Variants in IDS observed in about 807,000 individuals in gnomAD.
The protein encoded by IDS is iduronate 2-sulfatase.
In IDS, 1 loss-of-function variant was observed where a neutral mutation model predicts 33.5. That is an observed-to-expected ratio of 0.03 (90% CI 0.01 to 0.14). The LOEUF is 0.14. IDS is among the 10% of genes least tolerant of loss of function. IDS has a pLI of 1.00. For missense variants in IDS, 328 were observed against 448.0 expected (o/e 0.73, Z 2.42); for synonymous variants, 191 against 184.4 (o/e 1.04, Z -0.29).
At position 149,505,124 on chromosome X, in the gene IDS, C is replaced by A; in HGVS notation, c.14G>T (p.Arg5Leu). The change falls in exon 1 of 9, where the codon CGG (arginine) becomes CTG (leucine). Residue 5 changes from arginine (R) to leucine (L), a missense_variant. This residue lies in a region of IDS where 45 missense variants were observed against 33.6 expected (regional missense o/e 1.34). Coordinates refer to ENST00000340855, the MANE Select transcript of IDS (RefSeq NM_000202.8). ...CAGCCAGAGAAGGCCTCGGCCGGTC[C>A]GGGGTGGCGGCATTTCGGCTTCGAC... Reference protein sequence around the residue: MPPPRTGRGLLWLGL... With the variant: MPPPLTGRGLLWLGL... 2.5e-6 allele frequency: 3 copies of A among 1,192,601 alleles called. No homozygotes were observed. Among genetic ancestry groups the A allele is most frequent in the Non-Finnish European group, 2.3e-6 (2 of 880,997 alleles).
At position 149,491,649 on chromosome X, in the gene IDS, C is replaced by G. The variant is rs782222020; in HGVS notation, c.880-1209G>C. 1.9e-5 allele frequency: 19 copies of G among 1,003,467 alleles called. No homozygotes were observed. The East Asian group carries it at 9.3e-4, about 49-fold the overall frequency. The allele number at this position is 1,003,467 out of a possible 1,213,427, so 82.7% of individuals were successfully genotyped here. A position where few individuals can be genotyped will look rare whatever the true frequency, so the allele number is the denominator to read the frequency against. ...GTAGATGAAGTCTTCAGTCTGAAAC[C>G]TGTGGAACTTTGGTCCTCCTGGGGA... On this transcript the variant is annotated intron_variant, in intron 6 of 8. Coordinates refer to ENST00000340855, the MANE Select transcript of IDS (RefSeq NM_000202.8).
chrX:149,484,602 G>C (rs191628905), intron 8 of IDS, among the ~76,000 whole-genome samples: 1 of 112,856 alleles, frequency 8.9e-6, no homozygotes, highest in Non-Finnish European at 1.9e-5. Flanking sequence ...TTACTGGCGT[G>C]AGCCACCACG....
chrX:149,505,180 G>T lies in IDS; in HGVS notation c.-43C>A. The T allele has an allele frequency of 1.0e-6, 1 of 1,001,667 alleles. No individual in the cohort carries two copies. The highest frequency in any genetic ancestry group is 1.4e-6 in the Non-Finnish European group (1 of 723,005). 82.5% of individuals were successfully genotyped at this position (1,001,667 alleles called of 1,213,427 possible). On this transcript the variant is annotated 5_prime_UTR_variant, in exon 1 of 9. Transcript: ENST00000340855. ...CGCTTCAGAGCGGCGGGGACAGGCT[G>T]CAGCAGGTGGCGCAGTTAGCAGCCG...
chrX:149,492,956 G>A (rs1393567485), intron 6 of IDS, among the ~76,000 whole-genome samples: 3 of 110,378 alleles, frequency 2.7e-5, no homozygotes, highest in African/African-American at 3.3e-5. Flanking sequence ...GGCATAATTC[G>A]CTGGCATTTG....
At chrX:149,500,378 T>C (rs1557339819) in intron 4 of IDS, among the ~76,000 whole-genome samples, 2 of 112,396 alleles carry the variant, frequency 1.8e-5, no homozygotes, top group African/African-American at 3.2e-5. Flanking sequence ...ACCTCAGAGA[T>C]ACATTTCATG....
rs782749726 is a variant in IDS at position 149,480,064 on chromosome X, G to A, written c.*2682C>T. On this transcript the variant is annotated 3_prime_UTR_variant, in exon 9 of 9. Transcript: ENST00000340855. ...GACAACCTAGTAGGAGGGAGGTAGG[G>A]ATAGGCAAGGGAAAGGTGGGGACCA... is the stretch of plus-strand genomic sequence containing the variant. 2.2e-4 allele frequency: 63 copies of A among 288,747 alleles called. No homozygotes were observed. Among genetic ancestry groups the A allele is most frequent in the Non-Finnish European group, 3.1e-4 (52 of 166,181 alleles). 23.8% of individuals were successfully genotyped at this position (288,747 alleles called of 1,213,427 possible). A position where few individuals can be genotyped will look rare whatever the true frequency, so the allele number is the denominator to read the frequency against.
At chrX:149,483,585 C>G (rs1350121130) in intron 8 of IDS, among the ~76,000 whole-genome samples, 2 of 112,017 alleles carry the variant, frequency 1.8e-5, no homozygotes, top group Non-Finnish European at 3.8e-5. Flanking sequence ...CAGGATCACC[C>G]CACACATTAC....
At chrX:149,489,898 C>T (rs903147325) in intron 7 of IDS, among the ~76,000 whole-genome samples, 1 of 109,855 alleles carries the variant, frequency 9.1e-6, no homozygotes, top group Non-Finnish European at 1.9e-5. Context: ...GAGAAGACAG[C>T]GGGGATAGGG....
chrX:149,505,192 GCAGTT>G lies in IDS; in HGVS notation c.-60_-56del. ...GCGGGGACAGGCTGCAGCAGGTGGCGCAGTTAGCAGCCGCCGCCGCAGCCACAGAG... is the reference window on the plus strand; with the variant it reads ...GCGGGGACAGGCTGCAGCAGGTGGCGAGCAGCCGCCGCCGCAGCCACAGAG... On this transcript the variant is annotated 5_prime_UTR_variant, in exon 1 of 9. It removes the in-frame stop codon of an upstream open reading frame in the 5' UTR. Transcript: ENST00000340855. The G allele has an allele frequency of 4.5e-6, 4 of 892,628 alleles. No individual in the cohort carries two copies. The highest frequency in any genetic ancestry group is 5.4e-5 in the Admixed American group (2 of 37,309). The allele number at this position is 892,628 out of a possible 1,213,427, so 73.6% of individuals were successfully genotyped here. A position where few individuals can be genotyped will look rare whatever the true frequency, so the allele number is the denominator to read the frequency against.
At chrX:149,486,858 A>G in intron 8 of IDS, 67 bp downstream of exon 8, 2 of 1,101,198 alleles carry the variant, frequency 1.8e-6, no homozygotes, top group Admixed American at 4.4e-5. Context: ...TGATTCAATA[A>G]AGTGGTTCAC....
intron 6 of IDS, among the ~76,000 whole-genome samples, chrX:149,492,340 G>A (rs1384683643): frequency 8.9e-6 from 1 of 111,843 alleles, no homozygotes; most frequent in Non-Finnish European, 1.9e-5. Context: ...GGGAGATTCA[G>A]GGAAGGCTTC....
intron 7 of IDS, chrX:149,487,402 G>GCCA: frequency 1.5e-6 from 1 of 682,270 alleles, no homozygotes; most frequent in Admixed American, 2.5e-5. Context: ...ACTCTGTGGC[G>GCCA]GTTCCCACAC....
At chrX:149,490,722 C>T (rs782648336) in intron 6 of IDS, among the ~76,000 whole-genome samples, 6 of 111,856 alleles carry the variant, frequency 5.4e-5, no homozygotes, top group African/African-American at 9.9e-5. Context: ...TCACCTACTG[C>T]TCTGTTGTTT....
chrX:149,497,698 C>G (rs1469937024), intron 5 of IDS, among the ~76,000 whole-genome samples: 1 of 112,429 alleles, frequency 8.9e-6, no homozygotes, highest in Non-Finnish European at 1.9e-5. Context: ...GATGATCTAA[C>G]CTGACAGGCT....
At chrX:149,493,184 G>A (rs5936190) in intron 6 of IDS, among the ~76,000 whole-genome samples, 31,543 of 111,244 alleles carry the variant, frequency 0.28, 3,937 homozygotes, top group Middle Eastern at 0.42. Flanking sequence ...AGCCCAGCAG[G>A]GGAAGAAGAG....
chrX:149,486,820 G>T, intron 8 of IDS, 105 bp downstream of exon 8: 6 of 866,445 alleles, frequency 6.9e-6, no homozygotes, highest in Non-Finnish European at 8.5e-6. Context: ...AGGCAGGAAG[G>T]GGGGGTCTGT....
chrX:149,491,746 G>A (rs960176363), intron 6 of IDS: 118 of 771,619 alleles, frequency 1.5e-4, no homozygotes, highest in Non-Finnish European at 1.9e-4. Flanking sequence ...GCCCCTGGAC[G>A]TAAGGCAATA....
intron 6 of IDS, among the ~76,000 whole-genome samples, chrX:149,491,108 A>G (rs1410776120): frequency 4.4e-5 from 5 of 112,583 alleles, no homozygotes; most frequent in Admixed American, 9.3e-5. Flanking sequence ...AAAAAAATTC[A>G]TAATTTAACA....
intron 6 of IDS, among the ~76,000 whole-genome samples, chrX:149,493,207 T>C (rs1208325398): frequency 2.7e-5 from 3 of 111,305 alleles, no homozygotes; most frequent in African/African-American, 3.3e-5. Context: ...GGAAAGGATA[T>C]AGTGGGGGGC....
Sources: gnomAD v4.1 joint callset for allele counts (sites outside exome capture counted in the v4.1 genomes callset) on GRCh38, gnomAD v4.1.1 for gene constraint, gnomAD v4.1.1 regional missense constraint, MANE v1.5 for transcripts, NCBI Gene and HGNC (gene_info 2026-07-23, HGNC 2026-07-21) for gene names.